The following SLC20A2 variants were observed in gnomAD, a reference collection of about 807,000 sequenced individuals.
SLC20A2 encodes sodium-dependent phosphate transporter 2.
In SLC20A2, 30 loss-of-function variants were observed where a neutral mutation model predicts 61.0. The observed-to-expected ratio is 0.49, with a 90% CI of 0.37 to 0.67. The LOEUF (loss-of-function observed/expected upper bound fraction) is 0.67, where lower values mean the gene tolerates loss of function less well. Ranked by LOEUF, SLC20A2 falls within the 30% of genes least tolerant of loss-of-function variation. The probability of loss-of-function intolerance (pLI) is 0.00; values close to 1 mark genes in which losing one functional copy is unlikely to be tolerated. For synonymous variants in SLC20A2, 351 were observed against 353.3 expected (o/e 0.99, Z 0.07); for missense variants, 626 against 866.4 (o/e 0.72, Z 3.48).
At chr8:42,538,840 T>C (rs2131463393) in intron 1 of SLC20A2, among the ~76,000 whole-genome samples, 1 of 152,286 alleles carries the variant, frequency 6.6e-6, no homozygotes, top group Middle Eastern at 3.4e-3. Flanking sequence ...AATTCCAAAA[T>C]TTTTTCATGT....
intron 4 of SLC20A2, among the ~76,000 whole-genome samples, chr8:42,460,494 CT>C (rs1449094364): frequency 6.6e-6 from 1 of 152,226 alleles, no homozygotes; most frequent in Non-Finnish European, 1.5e-5. Context: ...TTACAACACT[CT>C]ATTACACAAT....
chr8:42,416,646 C>T lies in SLC20A2; in HGVS notation c.*1157G>A, dbSNP rs1002982110. 1.3e-5 allele frequency: 2 copies of T among 152,536 alleles called. No homozygotes were observed. The highest frequency in any genetic ancestry group is 6.5e-5 in the Admixed American group (1 of 15,268). 9.4% of individuals were successfully genotyped at this position (152,536 alleles called of 1,614,324 possible). A position where few individuals can be genotyped will look rare whatever the true frequency, so the allele number is the denominator to read the frequency against. On this transcript the variant is annotated 3_prime_UTR_variant, in exon 11 of 11. Transcript: ENST00000520262. ...CCGCTATCAAAAAAAGAAGAGACTC[C>T]AATGGGATGGAGTAGAGCCTGGGGG...
rs551431347 is a variant in SLC20A2 at position 42,441,089 on chromosome 8, G to A, written c.731-1436C>T. Among the ~76,000 whole-genome samples, 120 of 151,312 alleles carry A rather than the reference G, an allele frequency of 7.9e-4. 1 individual carries two copies. The highest frequency in any genetic ancestry group is 2.9e-3 in the South Asian group (14 of 4,776). On this transcript the variant is annotated intron_variant, in intron 6 of 10. Transcript: ENST00000520262. ...GTTGGGATTACAGGCGTGAGCCACC[G>A]TGTCTGGCCCCATCTATCTTCTTTG... is the stretch of plus-strand genomic sequence containing the variant.
intron 1 of SLC20A2, among the ~76,000 whole-genome samples, chr8:42,507,969 G>T (rs1382696525): frequency 6.6e-6 from 1 of 151,298 alleles, no homozygotes; most frequent in Non-Finnish European, 1.5e-5. Flanking sequence ...AGACCAGCCT[G>T]GCCAATATGG....
intron 5 of SLC20A2, among the ~76,000 whole-genome samples, chr8:42,449,261 C>A (rs1805467916): frequency 6.6e-6 from 1 of 152,092 alleles, no homozygotes; most frequent in African/African-American, 2.4e-5. Flanking sequence ...TGCCAGGAAC[C>A]CGCGCAAGGA....
intron 9 of SLC20A2, among the ~76,000 whole-genome samples, chr8:42,429,723 C>T (rs896255694): frequency 6.6e-6 from 1 of 152,112 alleles, no homozygotes; most frequent in Non-Finnish European, 1.5e-5. Flanking sequence ...AGCCCAGGGG[C>T]CTGTTTAAGT....
chr8:42,498,520 G>A lies in SLC20A2; in HGVS notation c.-265+2511C>T, dbSNP rs143489429. 2.3e-3 allele frequency among the ~76,000 whole-genome samples: 350 copies of A among 152,216 alleles called. 3 individuals carry two copies. The highest frequency in any genetic ancestry group is 3.3e-3 in the Non-Finnish European group (227 of 68,020). ...TCTGTGTCCTGCCTTGTTGTAGCAT[G>A]TGGGTTGGAACTATGCTTTCCTTGT... On this transcript the variant is annotated intron_variant, in intron 1 of 10. Transcript: ENST00000520262.
At chr8:42,498,027 A>T (rs1810057228) in intron 1 of SLC20A2, among the ~76,000 whole-genome samples, 1 of 152,110 alleles carries the variant, frequency 6.6e-6, no homozygotes, top group Admixed American at 6.5e-5. Context: ...AATATCCTAA[A>T]CCAGTGCAGG....
chr8:42,423,929 GAATTAGAAATTA>G (rs1287374888), intron 10 of SLC20A2, among the ~76,000 whole-genome samples: 4 of 152,174 alleles, frequency 2.6e-5, no homozygotes, highest in African/African-American at 9.7e-5. Context: ...CAGAGAACAA[GAATTAGAAATTA>G]AATTAGAAAT....
chr8:42,496,482 G>A (rs944169197), intron 1 of SLC20A2, among the ~76,000 whole-genome samples: 1 of 152,324 alleles, frequency 6.6e-6, no homozygotes, highest in East Asian at 1.9e-4. Context: ...ACTCCTAGGA[G>A]TAACTGTTTT....
intron 5 of SLC20A2, among the ~76,000 whole-genome samples, chr8:42,451,404 TA>T (rs1805633605): frequency 1.1e-5 from 1 of 94,208 alleles, no homozygotes. Context: ...GAGGAAGAGA[TA>T]GAGGAGAAGG....
At chr8:42,500,781 T>A (rs919369568) in intron 1 of SLC20A2, among the ~76,000 whole-genome samples, 1 of 152,198 alleles carries the variant, frequency 6.6e-6, no homozygotes, top group African/African-American at 2.4e-5. Flanking sequence ...AAAATAATAA[T>A]CTACAGATTG....
chr8:42,525,444 TG>T (rs1405043770), intron 1 of SLC20A2, among the ~76,000 whole-genome samples: 1 of 151,888 alleles, frequency 6.6e-6, no homozygotes, highest in Non-Finnish European at 1.5e-5. Flanking sequence ...TAGCTGGGCA[TG>T]GTGGAGAGCA....
intron 8 of SLC20A2, among the ~76,000 whole-genome samples, chr8:42,434,098 CCCAGGCTGGAGTGCAGTGGCACAATCTCA>C (rs1415508056): frequency 6.6e-6 from 1 of 151,962 alleles, no homozygotes; most frequent in Admixed American, 6.6e-5. Flanking sequence ...CCCTCTGTTG[CCCAGGCTGGAGTGCAGTGGCACAATCTCA>C]CCAGGCTGGA....
Position 42,417,655 on chromosome 8 carries a change from G to A in SLC20A2, c.*148C>T, listed in dbSNP as rs919715460. The A allele has an allele frequency of 5.2e-6, 4 of 776,218 alleles. No individual in the cohort carries two copies. The highest frequency in any genetic ancestry group is 8.3e-6 in the Non-Finnish European group (4 of 484,748). 48.1% of individuals were successfully genotyped at this position (776,218 alleles called of 1,614,324 possible). Reference sequence around the variant, plus strand: ...CTCCGCAGCCTGGGTGAACAGTGTGGGATGGAGCCTCCTGGAAGGGAGGCA... The same window carrying A: ...CTCCGCAGCCTGGGTGAACAGTGTGAGATGGAGCCTCCTGGAAGGGAGGCA... On this transcript the variant is annotated 3_prime_UTR_variant, in exon 11 of 11. Coordinates refer to ENST00000520262, the MANE Select transcript of SLC20A2 (RefSeq NM_001257180.2).
At chr8:42,473,234 G>C (rs1009084325) in intron 1 of SLC20A2, among the ~76,000 whole-genome samples, 1 of 152,214 alleles carries the variant, frequency 6.6e-6, no homozygotes, top group East Asian at 1.9e-4. Flanking sequence ...AGGCCCCAGA[G>C]AGGAAAAGAG....
chr8:42,419,527 CA>C, intron 10 of SLC20A2: 1 of 169,960 alleles, frequency 5.9e-6, no homozygotes, highest in Non-Finnish European at 1.2e-5. Flanking sequence ...CCAGCCTGGA[CA>C]ACAGAATGAG....
At chr8:42,508,723 A>C (rs1008078664) in intron 1 of SLC20A2, among the ~76,000 whole-genome samples, 7 of 152,152 alleles carry the variant, frequency 4.6e-5, no homozygotes, top group South Asian at 2.1e-4. Context: ...CCTTCTCCTA[A>C]GCTCTCAACA....
intron 1 of SLC20A2, among the ~76,000 whole-genome samples, chr8:42,488,392 G>T (rs1365037839): frequency 6.6e-6 from 1 of 151,806 alleles, no homozygotes; most frequent in East Asian, 1.9e-4. Flanking sequence ...GTTTCAGCAT[G>T]TTGGTCAGGC....
Sources: allele counts gnomAD v4.1 joint callset (sites outside exome capture counted in the v4.1 genomes callset), GRCh38; gene constraint gnomAD v4.1.1; transcripts MANE v1.5; gene names NCBI Gene and HGNC (gene_info 2026-07-23, HGNC 2026-07-21).